The following RPF2 variants were observed in gnomAD, a reference collection of about 807,000 sequenced individuals.
RPF2 encodes ribosome production factor 2 homolog.
A neutral mutation model predicts 38.9 loss-of-function variants in RPF2; 21 were observed. The observed-to-expected ratio is 0.54, with a 90% CI of 0.38 to 0.78. The LOEUF (loss-of-function observed/expected upper bound fraction) is 0.78. Among genes scored for constraint, RPF2 ranks in the 30% least tolerant of loss-of-function variants. The probability of loss-of-function intolerance (pLI) is 0.00; values close to 1 mark genes in which losing one functional copy is unlikely to be tolerated. For synonymous variants in RPF2, 121 were observed against 126.2 expected (o/e 0.96, Z 0.28); for missense variants, 314 against 358.1 (o/e 0.88, Z 0.99).
At chr6:111,021,368 G>C (rs183322738) in intron 8 of RPF2, among the ~76,000 whole-genome samples, 1 of 152,234 alleles carries the variant, frequency 6.6e-6, no homozygotes, top group Non-Finnish European at 1.5e-5. Flanking sequence ...TGTAATACTT[G>C]TTAGCTATTA....
intron 7 of RPF2, among the ~76,000 whole-genome samples, chr6:111,011,718 G>A (rs188557937): frequency 9.9e-5 from 15 of 152,236 alleles, no homozygotes; most frequent in Admixed American, 9.2e-4. Flanking sequence ...TTTATTGTCA[G>A]TGAGGCAGAT....
chr6:110,997,507 G>A (rs972920888), intron 5 of RPF2, among the ~76,000 whole-genome samples: 3 of 152,080 alleles, frequency 2.0e-5, no homozygotes, highest in South Asian at 2.1e-4. Flanking sequence ...TTTGGGTGGC[G>A]AGGTGGGTGG....
intron 2 of RPF2, among the ~76,000 whole-genome samples, chr6:110,985,345 T>C (rs965458880): frequency 4.6e-5 from 7 of 152,214 alleles, no homozygotes; most frequent in Non-Finnish European, 8.8e-5. Flanking sequence ...ATTTTATTAT[T>C]GTTTTTTAGG....
At chr6:110,987,670 C>T (rs763569954) in intron 2 of RPF2, among the ~76,000 whole-genome samples, 1 of 152,220 alleles carries the variant, frequency 6.6e-6, no homozygotes, top group Non-Finnish European at 1.5e-5. Context: ...CAAGAATCAT[C>T]AAAAGTTTTA....
At position 111,016,837 on chromosome 6, in the gene RPF2, G is replaced by T. The variant is rs1051321188; in HGVS notation, c.596+981G>T. On this transcript the variant is annotated intron_variant, in intron 8 of 9. Transcript: ENST00000441448. The stretch of plus-strand genomic sequence containing the variant: ...TAGGCAGAGGACCCTGCGGCCTTCC[G>T]CAGTGTTTGTGTCCCTGGGTACTTG... 2.6e-5 allele frequency among the ~76,000 whole-genome samples: 4 copies of T among 151,630 alleles called. No homozygotes were observed. In the East Asian group the frequency reaches 5.9e-4, roughly 22 times the overall value.
chr6:110,989,115 A>G (rs1437041668), intron 3 of RPF2, 50 bp downstream of exon 3: 1 of 1,458,414 alleles, frequency 6.9e-7, no homozygotes, highest in Non-Finnish European at 9.1e-7. Flanking sequence ...GTTTCATTAT[A>G]AAAGTAACCA....
chr6:111,000,075 CT>C (rs35325086), intron 6 of RPF2, among the ~76,000 whole-genome samples: 1 of 151,272 alleles, frequency 6.6e-6, no homozygotes, highest in Non-Finnish European at 1.5e-5. Flanking sequence ...TTATTTTTTG[CT>C]TTTTTCATAG....
At chr6:111,009,805 C>G (rs1049198501) in intron 7 of RPF2, among the ~76,000 whole-genome samples, 6 of 152,062 alleles carry the variant, frequency 3.9e-5, no homozygotes, top group Non-Finnish European at 7.4e-5. Context: ...TCCTAAGTAG[C>G]TGGGACCATA....
chr6:110,983,371 G>A (rs12215359), intron 1 of RPF2, among the ~76,000 whole-genome samples: 7,027 of 152,002 alleles, frequency 0.046, 172 homozygotes, highest in Middle Eastern at 0.071. Context: ...TTTTGAGACA[G>A]GGTATCACTC....
intron 6 of RPF2, among the ~76,000 whole-genome samples, chr6:111,004,476 C>T (rs566387975): frequency 2.0e-5 from 3 of 152,104 alleles, no homozygotes; most frequent in Admixed American, 2.0e-4. Context: ...GCCACTGTGC[C>T]CGGCCGTGAC....
At chr6:110,992,149 A>C (rs1304377127) in intron 4 of RPF2, among the ~76,000 whole-genome samples, 1 of 152,120 alleles carries the variant, frequency 6.6e-6, no homozygotes, top group Non-Finnish European at 1.5e-5. Context: ...TCTACTAAAA[A>C]TACAAAAAAA....
At chr6:111,009,260 T>C (rs1583270298) in intron 7 of RPF2, among the ~76,000 whole-genome samples, 1 of 152,284 alleles carries the variant, frequency 6.6e-6, no homozygotes, top group East Asian at 1.9e-4. Context: ...TTCACTGTGT[T>C]AGCCAGGATG....
chr6:111,013,077 C>T (rs1047341259), intron 7 of RPF2, among the ~76,000 whole-genome samples: 6 of 152,198 alleles, frequency 3.9e-5, no homozygotes. Flanking sequence ...ACTTGCATGA[C>T]GTCTTTCCCA....
In RPF2 at chr6:111,015,749, T is replaced by C. The variant is rs1165097041; in HGVS notation, c.494-5T>C. 6.3e-7 allele frequency: 1 copy of C among 1,581,878 alleles called. No individual in the cohort carries two copies. Among genetic ancestry groups the C allele is most frequent in the Non-Finnish European group, 8.7e-7 (1 of 1,152,514 alleles). ...TTTTGTTAATAATTTAATATGTGCTTTTAGATTTCTTCAGAGGCCCCACAG... is the reference window on the plus strand; with the variant it reads ...TTTTGTTAATAATTTAATATGTGCTCTTAGATTTCTTCAGAGGCCCCACAG... On this transcript the variant is annotated splice_polypyrimidine_tract_variant and splice_region_variant and intron_variant, in intron 7 of 9. Transcript: ENST00000441448.
intron 5 of RPF2, among the ~76,000 whole-genome samples, chr6:110,997,670 G>GGC (rs1771740063): frequency 6.6e-6 from 1 of 152,094 alleles, no homozygotes; most frequent in African/African-American, 2.4e-5. Flanking sequence ...GAGCCAAGAT[G>GGC]GCGCCACTGT....
chr6:111,022,999 A>G (rs926794699), intron 8 of RPF2, among the ~76,000 whole-genome samples: 1 of 152,236 alleles, frequency 6.6e-6, no homozygotes, highest in Admixed American at 6.5e-5. Flanking sequence ...CCTGGGTTTA[A>G]GCGATTCTCC....
At chr6:110,984,517 G>A (rs1301361827) in intron 1 of RPF2, among the ~76,000 whole-genome samples, 1 of 152,022 alleles carries the variant, frequency 6.6e-6, no homozygotes, top group East Asian at 1.9e-4. Flanking sequence ...ACAATAATAA[G>A]GAAATATCTT....
chr6:110,987,742 G>A (rs1583257785), intron 2 of RPF2, among the ~76,000 whole-genome samples: 1 of 152,152 alleles, frequency 6.6e-6, no homozygotes, highest in African/African-American at 2.4e-5. Context: ...GATAGTTGAT[G>A]AATGATTATT....
At chr6:110,998,643 A>G (rs1196500315) in intron 5 of RPF2, among the ~76,000 whole-genome samples, 1 of 152,216 alleles carries the variant, frequency 6.6e-6, no homozygotes, top group Non-Finnish European at 1.5e-5. Context: ...AGCTTGTTAC[A>G]GTAGATAGGC....
Sources: gnomAD v4.1 joint callset for allele counts (sites outside exome capture counted in the v4.1 genomes callset) on GRCh38, gnomAD v4.1.1 for gene constraint, MANE v1.5 for transcripts, NCBI Gene and HGNC (gene_info 2026-07-23, HGNC 2026-07-21) for gene names.